CCAR2: variants seen among roughly 807,000 people sequenced by gnomAD.
CCAR2 encodes the protein cell cycle and apoptosis regulator 2.
In CCAR2, 21 loss-of-function variants were observed where a neutral mutation model predicts 108.1. The observed-to-expected ratio is 0.19, with a 90% confidence interval of 0.14 to 0.28. The LOEUF is 0.28. Ranked by LOEUF, CCAR2 falls within the 10% of genes least tolerant of loss-of-function variation. The pLI is 1.00. For synonymous variants in CCAR2, 577 were observed against 472.8 expected (o/e 1.22, Z -2.86); for missense variants, 1,126 against 1,177.0 (o/e 0.96, Z 0.63).
downstream of CCAR2, chr8:22,620,788 CTT>C (rs1219270220): frequency 6.6e-6 from 1 of 152,282 alleles, no homozygotes; most frequent in Non-Finnish European, 1.5e-5. Flanking sequence ...ACTGTTCCTG[CTT>C]TGAGACCTGT....
chr8:22,605,357 C>T (rs1344186173), intron 1 of CCAR2: 1 of 169,280 alleles, frequency 5.9e-6, no homozygotes, highest in African/African-American at 2.4e-5. Context: ...CTCACCCCGC[C>T]AGCTACTCTG....
At chr8:22,617,880 C>T in intron 16 of CCAR2, 102 bp downstream of exon 16, 3 of 1,186,876 alleles carry the variant, frequency 2.5e-6, no homozygotes, top group Non-Finnish European at 3.7e-6. Context: ...GACTTCCTTT[C>T]TTGATGGACC....
At chr8:22,609,179 T>C (rs1801191564) in intron 7 of CCAR2, among the ~76,000 whole-genome samples, 1 of 152,150 alleles carries the variant, frequency 6.6e-6, no homozygotes, top group Admixed American at 6.6e-5. Flanking sequence ...GCCTCCGCAG[T>C]AGCTGGGACT....
At chr8:22,612,893 A>G (rs1801345701) in intron 7 of CCAR2, 124 bp from the exon 8 acceptor site, 2 of 1,048,288 alleles carry the variant, frequency 1.9e-6, no homozygotes, top group Admixed American at 5.1e-5. Flanking sequence ...GGCTGTTAGC[A>G]TGGATTCTTT....
intron 14 of CCAR2, chr8:22,616,794 C>T (rs114864922): frequency 0.065 from 8,765 of 135,126 alleles, 356 homozygotes; most frequent in African/African-American, 0.13. Flanking sequence ...CCAGCCTGGG[C>T]GAGAGAGTAA....
chr8:22,607,816 G>C (rs1227664538), intron 6 of CCAR2, among the ~76,000 whole-genome samples, 153 bp from the exon 7 acceptor site: 1 of 152,152 alleles, frequency 6.6e-6, no homozygotes, highest in African/African-American at 2.4e-5. Context: ...AGTGGAGACG[G>C]GGTTTCACCA....
At position 22,618,878 on chromosome 8, in the gene CCAR2, C is replaced by T. The variant is rs200518573; in HGVS notation, c.2384C>T (p.Ala795Val). The change falls in exon 19 of 21, where the codon GCC (alanine) becomes GTC (valine). Residue 795 changes from alanine to valine, a missense_variant. Physicochemically the swap from Ala to Val is moderately conservative, Grantham distance 64 (BLOSUM62 0). Transcript: ENST00000308511. Reference protein sequence around the residue: ...PPGKSTKPGAAPTEHKALVSH... With the variant: ...PPGKSTKPGAVPTEHKALVSH... ...GGGAAAAGCACGAAGCCAGGTGCTG[C>T]CCCCACAGAACACAAAGCCTTGGTG... is the stretch of plus-strand genomic sequence containing the variant. 1 of 1,614,010 alleles carries T rather than the reference C, an allele frequency of 6.2e-7. No homozygotes were observed. Among genetic ancestry groups the T allele is most frequent in the Non-Finnish European group, 8.5e-7 (1 of 1,180,040 alleles).
chr8:22,616,350 T>A (rs1801509164), intron 14 of CCAR2, 102 bp downstream of exon 14: 1 of 1,063,708 alleles, frequency 9.4e-7, no homozygotes, highest in East Asian at 2.4e-5. Flanking sequence ...GCTCATTCCC[T>A]GCACCCTTGC....
intron 7 of CCAR2, among the ~76,000 whole-genome samples, chr8:22,610,145 T>C (rs77130916): frequency 6.6e-6 from 1 of 152,170 alleles, no homozygotes; most frequent in Non-Finnish European, 1.5e-5. Context: ...GAGGGAGATA[T>C]TATATTACCA....
At chr8:22,619,395 C>A in intron 20 of CCAR2, 40 bp downstream of exon 20, 1 of 1,541,278 alleles carries the variant, frequency 6.5e-7, no homozygotes, top group Non-Finnish European at 8.8e-7. Flanking sequence ...CAGCTCCTTT[C>A]CCTGAGCTCC....
intron 7 of CCAR2, among the ~76,000 whole-genome samples, chr8:22,611,477 AAT>A (rs1362061382): frequency 4.0e-5 from 6 of 150,938 alleles, no homozygotes; most frequent in Admixed American, 2.6e-4. Context: ...TATATGTAAA[AAT>A]ATGTGTGGTT....
chr8:22,616,126 A>C lies in CCAR2; in HGVS notation c.1723A>C (p.Lys575Gln), dbSNP rs200426159. 2.5e-6 allele frequency: 4 copies of C among 1,613,812 alleles called. No homozygotes were observed. The South Asian group carries it at 4.4e-5, about 18-fold the overall frequency. ...GGTCGTGTCCCCACCTGAACCTGAG[A>C]AGGAGGAGGCGGCCAAGGAAGAAGC... ...EKVVSPPEPE[K>Q]EEAAKEEATK... The change falls in exon 14 of 21, where the codon AAG becomes CAG. Residue 575 changes from lysine (K) to glutamine (Q), a missense_variant. Physicochemically the swap from Lys to Gln is moderately conservative, Grantham distance 53 (BLOSUM62 1). This residue lies in a region of CCAR2 where 1,013 missense variants were observed against 993.9 expected (regional missense o/e 1.02). Transcript: ENST00000308511.
At chr8:22,608,873 C>G (rs1428690487) in intron 7 of CCAR2, among the ~76,000 whole-genome samples, 1 of 152,156 alleles carries the variant, frequency 6.6e-6, no homozygotes, top group Admixed American at 6.5e-5. Flanking sequence ...ACCCATTACC[C>G]AGCTTCTTCA....
chr8:22,605,570 G>A (rs1801037683), intron 1 of CCAR2, 166 bp from the exon 2 acceptor site: 4 of 590,124 alleles, frequency 6.8e-6, no homozygotes, highest in Non-Finnish European at 1.2e-5. Context: ...GTAATTTCTT[G>A]TTTCATTTCT....
At chr8:22,616,336 C>T in intron 14 of CCAR2, 88 bp downstream of exon 14, 1 of 1,262,390 alleles carries the variant, frequency 7.9e-7, no homozygotes, top group South Asian at 1.3e-5. Context: ...CTTCCTGTGC[C>T]TTAGCTCATT....
rs747890171 is a variant in CCAR2, at chr8:22,616,026, C to A, written c.1623C>A (p.Ala541=). 6.2e-7 allele frequency: 1 copy of A among 1,613,984 alleles called. No homozygotes were observed. Among genetic ancestry groups the A allele is most frequent in the East Asian group, 2.2e-5 (1 of 44,866 alleles). The change falls in exon 14 of 21, where the codon GCC becomes GCA. Residue 541 remains alanine (A), a synonymous_variant. Coordinates refer to ENST00000308511, the MANE Select transcript of CCAR2 (RefSeq NM_001393997.1). ...CTCCCCATCAGGTGATGGTGCTGGC[C>A]GAGCTGTTTCTGGAGATGCTCCAGA... ...ERISFEVMVL[A]ELFLEMLQRD...
chr8:22,616,254 T>G lies in CCAR2; in HGVS notation c.1845+6T>G, dbSNP rs569512363. 2 of 1,610,654 alleles carry G rather than the reference T, an allele frequency of 1.2e-6. No individual in the cohort carries two copies. Among genetic ancestry groups the G allele is most frequent in the South Asian group, 1.1e-5 (1 of 90,982 alleles). On this transcript the variant is annotated splice_donor_region_variant and intron_variant, in intron 14 of 20. Coordinates refer to ENST00000308511, the MANE Select transcript of CCAR2 (RefSeq NM_001393997.1). ...CAGAGTCAGAGGCCCCGCTGGTGAG[T>G]ACCCTGCCACCTCGGGCTGTCATAG... is the stretch of plus-strand genomic sequence containing the variant.
In CCAR2 at chr8:22,607,425, A is replaced by G. The variant is rs912088282; in HGVS notation, c.487+100A>G. On this transcript the variant is annotated intron_variant, in intron 6 of 20. Coordinates refer to ENST00000308511, the MANE Select transcript of CCAR2 (RefSeq NM_001393997.1). ...TCTTAGCATAGAGGTGGGTACTTCT[A>G]TGTACTGGAAGAAAGGTGGGCAATC... is the stretch of plus-strand genomic sequence containing the variant. 7.4e-6 allele frequency: 9 copies of G among 1,216,910 alleles called. 1 individual carries two copies. The highest frequency in any genetic ancestry group is 5.6e-5 in the South Asian group (4 of 71,826). 75.4% of individuals were successfully genotyped at this position (1,216,910 alleles called of 1,614,324 possible). A position where few individuals can be genotyped will look rare whatever the true frequency, so the allele number is the denominator to read the frequency against.
chr8:22,615,189 T>C (rs910125118), intron 11 of CCAR2, 188 bp downstream of exon 11: 1 of 898,502 alleles, frequency 1.1e-6, no homozygotes, highest in Non-Finnish European at 1.6e-6. Flanking sequence ...AGGCTGCACT[T>C]GAGACTCCCT....
Sources: gnomAD v4.1 joint callset for allele counts (sites outside exome capture counted in the v4.1 genomes callset) on GRCh38, gnomAD v4.1.1 for gene constraint, gnomAD v4.1.1 regional missense constraint, MANE v1.5 for transcripts, NCBI Gene and HGNC (gene_info 2026-07-23, HGNC 2026-07-21) for gene names.